The following CEP63 variants were observed in gnomAD, a reference collection of about 807,000 sequenced individuals.
CEP63 encodes centrosomal protein of 63 kDa.
A neutral mutation model predicts 89.1 loss-of-function variants in CEP63; 84 were observed. The ratio of observed to expected loss-of-function variants is 0.94; its 90% CI spans 0.79 to 1.13. The LOEUF (loss-of-function observed/expected upper bound fraction) is 1.13. Among genes scored for constraint, CEP63 ranks in the 50% most tolerant of loss-of-function variants. The probability of loss-of-function intolerance (pLI) is 0.00; values close to 1 mark genes in which losing one functional copy is unlikely to be tolerated. For synonymous variants in CEP63, 267 were observed against 272.5 expected (o/e 0.98, Z 0.20); for missense variants, 838 against 813.3 (o/e 1.03, Z -0.37).
chr3:134,587,976 A>C (rs1404591472), downstream of CEP63, among the ~76,000 whole-genome samples: 1 of 152,220 alleles, frequency 6.6e-6, no homozygotes, highest in African/African-American at 2.4e-5. Flanking sequence ...AAAATGTCAG[A>C]ATATGTCCCT....
the CEP63 span, chr3:134,641,416 G>C: frequency 9.9e-5 from 15 of 152,190 alleles, no homozygotes; most frequent in Non-Finnish European, 2.1e-4. Context: ...GGAGCACAGG[G>C]AGAGTCAGCT....
chr3:134,675,923 A>G, the CEP63 span, among the ~76,000 whole-genome samples: 1 of 152,234 alleles, frequency 6.6e-6, no homozygotes, highest in Non-Finnish European at 1.5e-5. Flanking sequence ...TCCCTCAAAC[A>G]TTGCTGGTGG....
the CEP63 span, among the ~76,000 whole-genome samples, chr3:134,616,384 C>T: frequency 2.0e-5 from 3 of 152,206 alleles, no homozygotes; most frequent in Admixed American, 6.5e-5. Context: ...TCCACCCTGA[C>T]AACCAAGAAG....
chr3:134,620,189 A>T, the CEP63 span, among the ~76,000 whole-genome samples: 10 of 152,130 alleles, frequency 6.6e-5, no homozygotes, highest in Non-Finnish European at 1.0e-4. Context: ...TCCCAAGGCC[A>T]TCCTGTGGAG....
At chr3:134,640,864 C>T in the CEP63 span, among the ~76,000 whole-genome samples, 8 of 152,218 alleles carry the variant, frequency 5.3e-5, no homozygotes, top group African/African-American at 1.9e-4. Flanking sequence ...TAAGGGTTGT[C>T]TTGCTTCCAA....
chr3:134,550,053 T>C lies in CEP63; in HGVS notation c.1183-10T>C. On this transcript the variant is annotated splice_polypyrimidine_tract_variant and intron_variant, in intron 10 of 14. Transcript: ENST00000675561. ...TAACTTTTGGTGCTTTCTTTTCTGCTTCTTTATAGTTGAAAGAACAGATTT... is the reference window on the plus strand; with the variant it reads ...TAACTTTTGGTGCTTTCTTTTCTGCCTCTTTATAGTTGAAAGAACAGATTT... 2 of 1,605,664 alleles carry C rather than the reference T, an allele frequency of 1.2e-6. No individual in the cohort carries two copies. Among genetic ancestry groups the C allele is most frequent in the Non-Finnish European group, 8.5e-7 (1 of 1,172,322 alleles).
At chr3:134,653,298 C>G in the CEP63 span, among the ~76,000 whole-genome samples, 1 of 152,204 alleles carries the variant, frequency 6.6e-6, no homozygotes, top group Non-Finnish European at 1.5e-5. Flanking sequence ...TAGAATGTCT[C>G]CAGACATTGA....
the CEP63 span, among the ~76,000 whole-genome samples, chr3:134,656,226 G>T: frequency 6.6e-6 from 1 of 152,204 alleles, no homozygotes; most frequent in African/African-American, 2.4e-5. Flanking sequence ...CCTCAGGGAT[G>T]AATGAGTAGG....
chr3:134,672,652 G>A, the CEP63 span, among the ~76,000 whole-genome samples: 1 of 152,134 alleles, frequency 6.6e-6, no homozygotes, highest in African/African-American at 2.4e-5. Context: ...GTCATAAATG[G>A]CTTCTCTTCC....
chr3:134,721,339 G>A, the CEP63 span, among the ~76,000 whole-genome samples: 1 of 152,012 alleles, frequency 6.6e-6, no homozygotes, highest in African/African-American at 2.4e-5. Context: ...CTGCCACATT[G>A]CTGAACTCGT....
chr3:134,608,604 G>T, the CEP63 span: 2 of 1,613,824 alleles, frequency 1.2e-6, no homozygotes, highest in Non-Finnish European at 1.7e-6. Flanking sequence ...AGTGCGAAAT[G>T]CTCCATTCCT....
the CEP63 span, chr3:134,651,662 G>A: frequency 1.1e-6 from 1 of 945,762 alleles, no homozygotes; most frequent in Non-Finnish European, 1.3e-6. Context: ...CATGCCCATT[G>A]AGTATCAAGC....
the CEP63 span, among the ~76,000 whole-genome samples, chr3:134,637,344 AC>A: frequency 6.6e-6 from 1 of 152,032 alleles, no homozygotes; most frequent in Non-Finnish European, 1.5e-5. Flanking sequence ...CACTTTCTCC[AC>A]CTCAAACCCT....
chr3:134,589,575 T>G (rs934318177), downstream of CEP63, among the ~76,000 whole-genome samples: 1 of 112,440 alleles, frequency 8.9e-6, no homozygotes, highest in African/African-American at 3.4e-5. Flanking sequence ...TCAGAATGGC[T>G]ATTATTAAAA....
chr3:134,660,400 T>C, the CEP63 span, among the ~76,000 whole-genome samples: 1 of 152,246 alleles, frequency 6.6e-6, no homozygotes, highest in African/African-American at 2.4e-5. Context: ...ACTATTATCC[T>C]GAGTTCATAG....
At chr3:134,555,811 G>A (rs1309370744) in intron 12 of CEP63, among the ~76,000 whole-genome samples, 2,534 of 151,960 alleles carry the variant, frequency 0.017, 59 homozygotes, top group African/African-American at 0.056. Flanking sequence ...AGCCCGCATC[G>A]CCAAGTCAAT....
chr3:134,560,295 C>T (rs1314439179), intron 14 of CEP63, among the ~76,000 whole-genome samples: 9 of 152,194 alleles, frequency 5.9e-5, no homozygotes, highest in Admixed American at 5.9e-4. Flanking sequence ...TGGGGTAATA[C>T]AGTTGATCCT....
chr3:134,555,556 CA>C (rs1414924530), intron 12 of CEP63, among the ~76,000 whole-genome samples: 1 of 151,540 alleles, frequency 6.6e-6, no homozygotes, highest in African/African-American at 2.4e-5. Flanking sequence ...CCTAGGAATC[CA>C]ACTTACAAGG....
chr3:134,570,885 C>T (rs2110279483), intron 11 of CEP63, among the ~76,000 whole-genome samples: 1 of 152,316 alleles, frequency 6.6e-6, no homozygotes, highest in East Asian at 1.9e-4. Flanking sequence ...CAAGAAGGAG[C>T]AAGTCACATC....
Sources: gnomAD v4.1 joint callset for allele counts (sites outside exome capture counted in the v4.1 genomes callset) on GRCh38, gnomAD v4.1.1 for gene constraint, MANE v1.5 for transcripts, NCBI Gene and HGNC (gene_info 2026-07-23, HGNC 2026-07-21) for gene names.